Variants in RSU1 observed in about 807,000 individuals in gnomAD.
The protein encoded by RSU1 is Ras suppressor protein 1.
A neutral mutation model predicts 31.1 loss-of-function variants in RSU1; 26 were observed. The observed-to-expected ratio is 0.84, with a 90% CI of 0.61 to 1.16. RSU1 has a LOEUF of 1.16. RSU1 is among the 50% of genes most tolerant of loss of function. RSU1 has a pLI of 0.00. For synonymous variants in RSU1, 164 were observed against 136.3 expected, an observed-to-expected ratio of 1.20 and a Z score of -1.41; for missense variants, 320 against 339.1, an observed-to-expected ratio of 0.94 and a Z score of 0.44.
chr10:16,752,984 G>C lies in RSU1; in HGVS notation c.417C>G (p.Leu139=). 6.2e-7 allele frequency: 1 copy of C among 1,613,906 alleles called. No individual in the cohort carries two copies. Among genetic ancestry groups the C allele is most frequent in the South Asian group, 1.1e-5 (1 of 91,072 alleles). The part of the protein sequence containing the change: ...NFFYLTTLRA[L]YLSDNDFEIL... ...TTTCAAAATCGTTGTCACTTAGATA[G>C]AGTGCACGCAGGGTGGCTGCAAATT... Residue 139 remains leucine, a synonymous_variant, in exon 6 of 9, where the codon CTC becomes CTG. Transcript: ENST00000345264.
intron 8 of RSU1, among the ~76,000 whole-genome samples, chr10:16,621,625 G>A (rs971636395): frequency 6.6e-6 from 1 of 152,204 alleles, no homozygotes; most frequent in Non-Finnish European, 1.5e-5. Flanking sequence ...CACGGTGGAA[G>A]GTGGAGTAGG....
chr10:16,703,289 C>T (rs1393605923), intron 7 of RSU1, among the ~76,000 whole-genome samples: 2 of 152,114 alleles, frequency 1.3e-5, no homozygotes, highest in South Asian at 2.1e-4. Flanking sequence ...AATACAGCAG[C>T]GTTGGTTGTG....
At chr10:16,719,359 C>A (rs563064675) in intron 7 of RSU1, among the ~76,000 whole-genome samples, 5 of 152,128 alleles carry the variant, frequency 3.3e-5, no homozygotes, top group African/African-American at 1.2e-4. Flanking sequence ...ATCATTCTTA[C>A]AGCAATCCAG....
At chr10:16,723,307 A>G (rs2131592970) in intron 7 of RSU1, 1 of 152,252 alleles carries the variant, frequency 6.6e-6, no homozygotes, top group East Asian at 1.9e-4. Context: ...ATTTTCTCAA[A>G]AATGTTGCTG....
At chr10:16,795,701 G>A (rs2131665654) in intron 2 of RSU1, among the ~76,000 whole-genome samples, 1 of 152,294 alleles carries the variant, frequency 6.6e-6, no homozygotes, top group Non-Finnish European at 1.5e-5. Flanking sequence ...CCAACTGCAT[G>A]GCATTTTATG....
intron 3 of RSU1, among the ~76,000 whole-genome samples, chr10:16,775,016 C>T (rs1837498271): frequency 1.3e-5 from 2 of 152,092 alleles, no homozygotes; most frequent in East Asian, 1.9e-4. Context: ...TGTACTCCAA[C>T]CTGGGTGATA....
intron 7 of RSU1, among the ~76,000 whole-genome samples, chr10:16,743,830 A>C (rs748261145): frequency 2.6e-5 from 4 of 152,200 alleles, no homozygotes; most frequent in Non-Finnish European, 4.4e-5. Context: ...TCTTTTCTTA[A>C]GGAAATAGTT....
chr10:16,645,229 T>G (rs1834515874), intron 8 of RSU1, among the ~76,000 whole-genome samples: 1 of 152,222 alleles, frequency 6.6e-6, no homozygotes, highest in Admixed American at 6.5e-5. Context: ...ACTTCTACTC[T>G]CATCTTTTAA....
intron 4 of RSU1, among the ~76,000 whole-genome samples, chr10:16,758,262 C>T (rs1439076232): frequency 6.6e-6 from 1 of 152,190 alleles, no homozygotes; most frequent in Non-Finnish European, 1.5e-5. Context: ...CTTCTGGCCA[C>T]CTCTCCGGAC....
At chr10:16,694,253 T>A (rs1466315209) in intron 8 of RSU1, among the ~76,000 whole-genome samples, 2 of 152,218 alleles carry the variant, frequency 1.3e-5, no homozygotes, top group South Asian at 4.1e-4. Flanking sequence ...CCGCTTCCTC[T>A]CCTGCCTTCC....
Position 16,664,950 on chromosome 10 carries a change from TTC to T in RSU1, c.731+30071_731+30072del, listed in dbSNP as rs1365850577. ...GACTCAGTTCTTTTTTCTTTCTTTC[TTC>T]TTTTTTTCTGAGACAGATTCTCACT... On this transcript the variant is annotated intron_variant, in intron 8 of 8. Transcript: ENST00000345264. Among the ~76,000 whole-genome samples the T allele has an allele frequency of 3.6e-3, 542 of 152,164 alleles. 2 individuals are homozygous for T. Among genetic ancestry groups the T allele is most frequent in the African/African-American group, 0.012 (511 of 41,452 alleles).
At chr10:16,738,867 AC>A (rs35395927) in intron 7 of RSU1, among the ~76,000 whole-genome samples, 7 of 130,136 alleles carry the variant, frequency 5.4e-5, no homozygotes, top group Non-Finnish European at 9.8e-5. Context: ...CTTGCCCCCC[AC>A]CCCCCCAGCG....
intron 8 of RSU1, among the ~76,000 whole-genome samples, chr10:16,669,380 C>CG (rs1210321138): frequency 6.6e-6 from 1 of 151,848 alleles, no homozygotes; most frequent in African/African-American, 2.4e-5. Context: ...TTTTCCCCCC[C>CG]CAAAGCACCA....
At chr10:16,799,660 GGGAGA>G (rs1838109922) in intron 2 of RSU1, among the ~76,000 whole-genome samples, 1 of 152,162 alleles carries the variant, frequency 6.6e-6, no homozygotes, top group Non-Finnish European at 1.5e-5. Flanking sequence ...TTCATGGAAG[GGGAGA>G]AGAGCAACCA....
At chr10:16,795,590 A>G (rs936563573) in intron 2 of RSU1, among the ~76,000 whole-genome samples, 1 of 152,186 alleles carries the variant, frequency 6.6e-6, no homozygotes, top group Non-Finnish European at 1.5e-5. Context: ...ACTAGTAAGC[A>G]GAGAGAACCC....
chr10:16,672,619 T>TA (rs988434995), intron 8 of RSU1, among the ~76,000 whole-genome samples: 1 of 152,010 alleles, frequency 6.6e-6, no homozygotes, highest in Non-Finnish European at 1.5e-5. Flanking sequence ...CAGTTGTTTT[T>TA]TTTTAAATAG....
chr10:16,697,265 T>C (rs549082821), intron 7 of RSU1, among the ~76,000 whole-genome samples: 4 of 152,194 alleles, frequency 2.6e-5, no homozygotes, highest in Non-Finnish European at 5.9e-5. Context: ...AAACAACCTA[T>C]GCTTACATCT....
At chr10:16,727,403 G>A (rs1026634855) in intron 7 of RSU1, among the ~76,000 whole-genome samples, 3 of 152,286 alleles carry the variant, frequency 2.0e-5, no homozygotes, top group Non-Finnish European at 4.4e-5. Context: ...GCCAATTAAA[G>A]TTCAAACAGA....
intron 7 of RSU1, among the ~76,000 whole-genome samples, chr10:16,739,631 CTTTT>C (rs1836713503): frequency 6.6e-6 from 1 of 151,806 alleles, no homozygotes; most frequent in Non-Finnish European, 1.5e-5. Flanking sequence ...TTCTTTCTTT[CTTTT>C]GAGATGGAGT....
Sources: gnomAD v4.1 joint callset for allele counts (sites outside exome capture counted in the v4.1 genomes callset) on GRCh38, gnomAD v4.1.1 for gene constraint, MANE v1.5 for transcripts, NCBI Gene and HGNC (gene_info 2026-07-23, HGNC 2026-07-21) for gene names.